UNK: variants seen among roughly 807,000 people sequenced by gnomAD.
The protein encoded by UNK is RING finger protein unkempt homolog.
A neutral mutation model predicts 97.6 loss-of-function variants in UNK; 32 were observed. That is an observed-to-expected ratio of 0.33 (90% CI 0.25 to 0.44). The LOEUF (loss-of-function observed/expected upper bound fraction) is 0.44, where lower values mean the gene tolerates loss of function less well. Ranked by LOEUF, UNK falls within the 20% of genes least tolerant of loss-of-function variation. UNK has a pLI of 1.00. For missense variants in UNK, 771 were observed against 1,098.4 expected (o/e 0.70, Z 4.21); for synonymous variants, 441 against 461.2 (o/e 0.96, Z 0.56).
chr17:75,816,704 C>T lies in UNK; in HGVS notation c.962-66C>T, dbSNP rs745972236. 99 of 1,526,664 alleles carry T rather than the reference C, an allele frequency of 6.5e-5. No homozygotes were observed. The highest frequency in any genetic ancestry group is 8.2e-5 in the Non-Finnish European group (94 of 1,140,406). 94.6% of individuals were successfully genotyped at this position (1,526,664 alleles called of 1,614,324 possible). The stretch of plus-strand genomic sequence containing the variant: ...ATTTGTGGTCTCCTTTGGAAGGGAC[C>T]CAGGAGCATTTTTGGAGGGACAGAG... On this transcript the variant is annotated intron_variant, in intron 7 of 15. Coordinates refer to ENST00000589666, the MANE Select transcript of UNK (RefSeq NM_001080419.3). This position sits in a 1 kb window ranked among gnomAD's most constrained non-coding sequence, Gnocchi z 4.0.
At chr17:75,807,389 C>A (rs1007332752) in intron 1 of UNK, among the ~76,000 whole-genome samples, 9 of 152,176 alleles carry the variant, frequency 5.9e-5, no homozygotes, top group Non-Finnish European at 1.2e-4. Flanking sequence ...CATAACAAGA[C>A]CCTGTCTCTT....
intron 14 of UNK, 143 bp from the exon 15 acceptor site, chr17:75,823,122 A>G: frequency 7.5e-7 from 1 of 1,335,604 alleles, no homozygotes; most frequent in South Asian, 1.6e-5. Context: ...AGACAGCATC[A>G]GCCTCCTCCT....
chr17:75,792,259 T>C (rs2061769291), intron 1 of UNK: 1 of 979,274 alleles, frequency 1.0e-6, no homozygotes, highest in Non-Finnish European at 1.2e-6. Context: ...CACTGGGCAA[T>C]ATTTGCTTAA....
rs1334300721 is a variant in UNK at position 75,817,933 on chromosome 17, T to C, written c.1306-170T>C. On this transcript the variant is annotated intron_variant, in intron 9 of 15. Transcript: ENST00000589666. The surrounding 1 kb of genome is among the most constrained non-coding windows in gnomAD (Gnocchi z 5.8). The stretch of plus-strand genomic sequence containing the variant: ...GAGAAGGGCAGCTCCCTGCTTAGGG[T>C]AGGGGAAGGGAGTAGGGGGTGGGGA... Among the ~76,000 whole-genome samples, 1 of 150,678 alleles carries C rather than the reference T, an allele frequency of 6.6e-6. No individual in the cohort carries two copies. The highest frequency in any genetic ancestry group is 6.6e-5 in the Admixed American group (1 of 15,132).
chr17:75,823,730 G>A (rs773917777), intron 15 of UNK, among the ~76,000 whole-genome samples: 2 of 152,124 alleles, frequency 1.3e-5, no homozygotes, highest in Non-Finnish European at 2.9e-5. Flanking sequence ...GAGGGGTGTC[G>A]GTGCCACCCC....
intron 13 of UNK, 28 bp downstream of exon 13, chr17:75,820,136 G>T: frequency 6.3e-7 from 1 of 1,586,556 alleles, no homozygotes; most frequent in Non-Finnish European, 8.6e-7. Flanking sequence ...TCACTCAGGA[G>T]AACTGGGGCA....
intron 1 of UNK, among the ~76,000 whole-genome samples, chr17:75,789,750 A>C (rs1357988575): frequency 6.6e-6 from 1 of 152,188 alleles, no homozygotes; most frequent in Admixed American, 6.5e-5. Flanking sequence ...AAAAACGTTT[A>C]AGAATGAGGA....
At chr17:75,809,739 C>T in intron 1 of UNK, 21 bp from the exon 2 acceptor site, 1 of 1,583,718 alleles carries the variant, frequency 6.3e-7, no homozygotes, top group Non-Finnish European at 8.6e-7. Flanking sequence ...CGGCCTGCCC[C>T]ACGCGGGGCT....
intron 2 of UNK, among the ~76,000 whole-genome samples, chr17:75,810,984 C>T (rs1027892518): frequency 6.6e-6 from 1 of 151,632 alleles, no homozygotes; most frequent in Non-Finnish European, 1.5e-5. Flanking sequence ...GTTGCCGAGG[C>T]TGGAATGGGC....
chr17:75,784,976 G>C lies in UNK; in HGVS notation c.96G>C (p.Gln32His). 6.7e-7 allele frequency: 1 copy of C among 1,497,482 alleles called. No individual in the cohort carries two copies. The highest frequency in any genetic ancestry group is 8.9e-7 in the Non-Finnish European group (1 of 1,123,624). The allele number at this position is 1,497,482 out of a possible 1,614,324, so 92.8% of individuals were successfully genotyped here. The change falls in exon 1 of 16, where the codon CAG becomes CAC. Residue 32 changes from glutamine (Q) to histidine (H), a missense_variant. Physicochemically the swap from Gln to His is conservative, Grantham distance 24. This residue lies in a region of UNK where 246 missense variants were observed against 440.7 expected (regional missense o/e 0.56). Coordinates refer to ENST00000589666, the MANE Select transcript of UNK (RefSeq NM_001080419.3). ...TGCAGGCACAGCCCGAGAAACCGCA[G>C]CACTACACGTACGTAGAGCCCCCCC... ...QVLQAQPEKP[Q>H]HYTYLKEFRT... is the part of the protein sequence containing the mutation.
rs1599387377 is a variant in UNK, at chr17:75,817,976, G to A, written c.1306-127G>A. 1 of 845,378 alleles carries A rather than the reference G, an allele frequency of 1.2e-6. No homozygotes were observed. Among genetic ancestry groups the A allele is most frequent in the Non-Finnish European group, 1.9e-6 (1 of 518,466 alleles). 52.4% of individuals were successfully genotyped at this position (845,378 alleles called of 1,614,324 possible). On this transcript the variant is annotated intron_variant, in intron 9 of 15. Transcript: ENST00000589666. This position sits in a 1 kb window ranked among gnomAD's most constrained non-coding sequence, Gnocchi z 5.8. ...GGTGGGGAGGAAGAAGGGGGTGTGT[G>A]CATGCATGTGAAGAGGGGTTGCATG...
At chr17:75,814,447 G>A (rs1320245581) in intron 6 of UNK, among the ~76,000 whole-genome samples, 2 of 126,640 alleles carry the variant, frequency 1.6e-5, no homozygotes, top group Non-Finnish European at 1.6e-5. Context: ...AGCCAAGATC[G>A]CACCACTGCA....
Position 75,813,202 on chromosome 17 carries a change from G to A in UNK, c.747G>A (p.Lys249=), listed in dbSNP as rs772694244. ...NSKDRRRSPR[K]HKYRSSPCPN... Reference sequence around the variant, plus strand: ...AGGACCGGCGGCGGAGCCCCCGGAAGCACAAATACAGGTCCTTAGGCCCCA... The same window carrying A: ...AGGACCGGCGGCGGAGCCCCCGGAAACACAAATACAGGTCCTTAGGCCCCA... Residue 249 remains lysine, a synonymous_variant, in exon 5 of 16, where the codon AAG becomes AAA. Coordinates refer to ENST00000589666, the MANE Select transcript of UNK (RefSeq NM_001080419.3). The A allele has an allele frequency of 1.9e-6, 3 of 1,584,658 alleles. No homozygotes were observed. The highest frequency in any genetic ancestry group is 2.3e-5 in the South Asian group (2 of 86,952).
intron 1 of UNK, among the ~76,000 whole-genome samples, chr17:75,805,923 A>T (rs1461492612): frequency 6.6e-6 from 1 of 151,794 alleles, no homozygotes; most frequent in East Asian, 1.9e-4. Flanking sequence ...GGGATCCCCC[A>T]ACTTTGCAAA....
intron 1 of UNK, chr17:75,792,053 T>G (rs1200938586): frequency 2.0e-6 from 2 of 985,318 alleles, no homozygotes; most frequent in Non-Finnish European, 2.4e-6. Context: ...TTAGAAGCCA[T>G]GAGCACGCTT....
chr17:75,805,810 A>ATGTGTG (rs61000364), intron 1 of UNK, among the ~76,000 whole-genome samples: 6,297 of 145,348 alleles, frequency 0.043, 252 homozygotes, highest in African/African-American at 0.1. Context: ...AAAAAGAAAA[A>ATGTGTG]TGTGTGTGTG....
In UNK at chr17:75,819,357, A is replaced by C; in HGVS notation, c.1547-327A>C. ...CCCAGAGACCCGCCCACCCCCACTG[A>C]TCCCGGGGCTGAGACCCTTGAGTTG... On this transcript the variant is annotated intron_variant, in intron 11 of 15. Coordinates refer to ENST00000589666, the MANE Select transcript of UNK (RefSeq NM_001080419.3). The surrounding 1 kb of genome is among the most constrained non-coding windows in gnomAD (Gnocchi z 5.4). The C allele has an allele frequency of 2.7e-6, 1 of 367,188 alleles. No homozygotes were observed. The highest frequency in any genetic ancestry group is 5.0e-6 in the Non-Finnish European group (1 of 198,598). 22.7% of individuals were successfully genotyped at this position (367,188 alleles called of 1,614,324 possible). A position where few individuals can be genotyped will look rare whatever the true frequency, so the allele number is the denominator to read the frequency against.
chr17:75,806,441 C>T (rs1041076558), intron 1 of UNK, among the ~76,000 whole-genome samples: 10 of 139,972 alleles, frequency 7.1e-5, no homozygotes, highest in Non-Finnish European at 7.6e-5. Context: ...CTAGCCTGGG[C>T]GACAGAGGGA....
intron 1 of UNK, among the ~76,000 whole-genome samples, chr17:75,805,683 A>G (rs1327458372): frequency 2.0e-5 from 3 of 151,808 alleles, no homozygotes; most frequent in Non-Finnish European, 2.9e-5. Context: ...CCTATAGTCC[A>G]GCTACTCCAG....
Sources: allele counts gnomAD v4.1 joint callset (sites outside exome capture counted in the v4.1 genomes callset), GRCh38; gene constraint gnomAD v4.1.1; regional missense constraint gnomAD v4.1.1; non-coding constraint Gnocchi (gnomAD v3.1); transcripts MANE v1.5; gene names NCBI Gene and HGNC (gene_info 2026-07-23, HGNC 2026-07-21).